The following CHST9 variants were observed in gnomAD, a reference collection of about 807,000 sequenced individuals.
CHST9 encodes carbohydrate sulfotransferase 9.
Under a neutral mutation model 44.4 loss-of-function variants are expected in CHST9, and 41 were observed. That is an observed-to-expected ratio of 0.92 (90% CI 0.72 to 1.20). The LOEUF (loss-of-function observed/expected upper bound fraction) is 1.20, where lower values mean the gene tolerates loss of function less well. Ranked by LOEUF, CHST9 falls within the 50% of genes most tolerant of loss-of-function variation. The pLI, the probability that CHST9 is intolerant of heterozygous loss-of-function variation, is 0.00. For missense variants in CHST9, 504 were observed against 516.5 expected, an observed-to-expected ratio of 0.98 and a Z score of 0.23; for synonymous variants, 171 against 178.4, an observed-to-expected ratio of 0.96 and a Z score of 0.33.
chr18:27,171,867 T>C (rs1415098935), intron 1 of CHST9, among the ~76,000 whole-genome samples: 1 of 152,198 alleles, frequency 6.6e-6, no homozygotes, highest in African/African-American at 2.4e-5. Context: ...TCTTCTGTAA[T>C]TGCAATGTTT....
intron 4 of CHST9, among the ~76,000 whole-genome samples, chr18:26,970,807 G>A (rs1170362280): frequency 6.6e-6 from 1 of 152,174 alleles, no homozygotes; most frequent in Admixed American, 6.5e-5. Flanking sequence ...ATCTAAAGTC[G>A]TGGAGCCAGC....
chr18:26,916,064 T>A lies in CHST9; in HGVS notation c.*195A>T. The A allele has an allele frequency of 2.2e-6, 1 of 463,650 alleles. No individual in the cohort carries two copies. The highest frequency in any genetic ancestry group is 3.9e-6 in the Non-Finnish European group (1 of 258,918). 28.7% of individuals were successfully genotyped at this position (463,650 alleles called of 1,614,324 possible). ...CCAAACATTTTAGAGCAACTCAAGT[T>A]GTTTACATCTCCTGTAGGTGATTTT... On this transcript the variant is annotated 3_prime_UTR_variant, in exon 6 of 6. Coordinates refer to ENST00000618847, the MANE Select transcript of CHST9 (RefSeq NM_031422.6).
rs959763608 is a variant in CHST9 at position 27,185,119 on chromosome 18, AGCCCCAGC to A, written c.-97+9_-97+16del. ...TCCAGTGCCCCCCAGCCCCAACCCC[AGCCCCAGC>A]GCGGTTACCTCGCGGGCCGCTGCCG... On this transcript the variant is annotated intron_variant, in intron 1 of 5. Coordinates refer to ENST00000618847, the MANE Select transcript of CHST9 (RefSeq NM_031422.6). 8.2e-5 allele frequency: 11 copies of A among 134,616 alleles called. No individual in the cohort carries two copies. Among genetic ancestry groups the A allele is most frequent in the African/African-American group, 3.1e-4 (11 of 35,798 alleles). The allele number at this position is 134,616 out of a possible 1,614,324, so 8.3% of individuals were successfully genotyped here.
chr18:27,020,993 G>C (rs1321021369), intron 4 of CHST9, among the ~76,000 whole-genome samples: 1 of 152,188 alleles, frequency 6.6e-6, no homozygotes, highest in Non-Finnish European at 1.5e-5. Flanking sequence ...GGTGCTAAAG[G>C]TGTGAGGGGC....
intron 4 of CHST9, among the ~76,000 whole-genome samples, chr18:26,951,450 T>C (rs572121580): frequency 6.6e-6 from 1 of 152,316 alleles, no homozygotes; most frequent in East Asian, 1.9e-4. Flanking sequence ...GATTCTGCAT[T>C]TCAGAAAAAT....
intron 1 of CHST9, among the ~76,000 whole-genome samples, chr18:27,179,094 C>A (rs56364328): frequency 7.1e-6 from 1 of 140,774 alleles, no homozygotes; most frequent in African/African-American, 2.8e-5. Flanking sequence ...CTCTCTCTCT[C>A]TCTCTCTCTC....
rs899392028 is a variant in CHST9 at position 26,915,264 on chromosome 18, A to G, written c.*995T>C. The G allele has an allele frequency of 2.6e-5, 8 of 313,654 alleles. No individual in the cohort carries two copies. Among genetic ancestry groups the G allele is most frequent in the African/African-American group, 1.7e-4 (8 of 47,000 alleles). 19.4% of individuals were successfully genotyped at this position (313,654 alleles called of 1,614,324 possible). A position where few individuals can be genotyped will look rare whatever the true frequency, so the allele number is the denominator to read the frequency against. On this transcript the variant is annotated 3_prime_UTR_variant, in exon 6 of 6. Transcript: ENST00000618847. Reference sequence around the variant, plus strand: ...GTGGTATATTAGTTTTTAAAAAGTCATTCCTAAGCTGAATAATTAAACTGA... The same window carrying G: ...GTGGTATATTAGTTTTTAAAAAGTCGTTCCTAAGCTGAATAATTAAACTGA...
At chr18:26,968,317 G>A (rs1418512959) in intron 4 of CHST9, among the ~76,000 whole-genome samples, 1 of 152,076 alleles carries the variant, frequency 6.6e-6, no homozygotes, top group Non-Finnish European at 1.5e-5. Context: ...ATTTATGAGA[G>A]TTTGTTATTT....
intron 4 of CHST9, among the ~76,000 whole-genome samples, chr18:26,977,117 T>C (rs577071933): frequency 1.2e-4 from 18 of 152,244 alleles, no homozygotes; most frequent in Admixed American, 4.6e-4. Flanking sequence ...CTCTTTTCTA[T>C]GGTCTTAGAT....
rs370815871 is a variant in CHST9, at chr18:27,153,546, C to CTGTGTG, written c.-96-10647_-96-10642dup. Among the ~76,000 whole-genome samples the CTGTGTG allele has an allele frequency of 8.7e-3, 1,209 of 138,534 alleles. 7 individuals are homozygous for CTGTGTG. Among genetic ancestry groups the CTGTGTG allele is most frequent in the South Asian group, 0.02 (83 of 4,162 alleles). The allele number at this position is 138,534 out of a possible 152,430, so 90.9% of individuals were successfully genotyped here. ...TGTCTTTCTCTCTCTCTCTCTCTCT[C>CTGTGTG]TGTGTGTGTGTGTGTGTGTGTATGT... On this transcript the variant is annotated intron_variant, in intron 1 of 5. Coordinates refer to ENST00000618847, the MANE Select transcript of CHST9 (RefSeq NM_031422.6).
chr18:27,054,891 A>G (rs1323668424), intron 2 of CHST9, among the ~76,000 whole-genome samples: 3 of 152,128 alleles, frequency 2.0e-5, no homozygotes, highest in African/African-American at 2.4e-5. Flanking sequence ...GTATATATAT[A>G]TGTACACACA....
At chr18:27,113,688 A>C (rs2058294926) in intron 2 of CHST9, among the ~76,000 whole-genome samples, 1 of 152,130 alleles carries the variant, frequency 6.6e-6, no homozygotes, top group African/African-American at 2.4e-5. Flanking sequence ...CAGACACTGA[A>C]TCTATTGGCA....
chr18:26,990,073 G>A (rs895888851), intron 4 of CHST9, among the ~76,000 whole-genome samples: 2 of 152,124 alleles, frequency 1.3e-5, no homozygotes, highest in African/African-American at 4.8e-5. Flanking sequence ...CAAAAAAAGA[G>A]TGAACTATTG....
chr18:27,148,630 G>A (rs1187811083), intron 1 of CHST9, among the ~76,000 whole-genome samples: 2 of 150,738 alleles, frequency 1.3e-5, no homozygotes, highest in Non-Finnish European at 3.0e-5. Context: ...GTGTATATGT[G>A]CCACATTTTC....
At chr18:26,936,375 A>C (rs1168580817) in intron 5 of CHST9, 3 of 152,336 alleles carry the variant, frequency 2.0e-5, no homozygotes, top group Non-Finnish European at 2.9e-5. Flanking sequence ...TAGCCAAAAA[A>C]AAAACAAAAC....
chr18:27,036,349 CTTGTCT>C (rs2057390485), intron 3 of CHST9, among the ~76,000 whole-genome samples: 1 of 152,174 alleles, frequency 6.6e-6, no homozygotes, highest in African/African-American at 2.4e-5. Context: ...ATATCTCTTG[CTTGTCT>C]AAACTGTCTG....
At chr18:27,045,887 C>T (rs1228322446) in intron 3 of CHST9, among the ~76,000 whole-genome samples, 2 of 152,160 alleles carry the variant, frequency 1.3e-5, no homozygotes, top group East Asian at 3.9e-4. Context: ...ATTCCATAGT[C>T]CTGGCACCAT....
chr18:27,056,045 A>T (rs965954472), intron 2 of CHST9, among the ~76,000 whole-genome samples: 7 of 152,166 alleles, frequency 4.6e-5, no homozygotes, highest in African/African-American at 1.2e-4. Context: ...TAAATTATTT[A>T]AAAAAATTTT....
intron 1 of CHST9, among the ~76,000 whole-genome samples, chr18:27,156,781 G>A (rs2058701280): frequency 6.6e-6 from 1 of 152,040 alleles, no homozygotes; most frequent in Non-Finnish European, 1.5e-5. Context: ...AGCTGGTTTT[G>A]AAATATAAAT....
Sources: gnomAD v4.1 joint callset for allele counts (sites outside exome capture counted in the v4.1 genomes callset) on GRCh38, gnomAD v4.1.1 for gene constraint, MANE v1.5 for transcripts, NCBI Gene and HGNC (gene_info 2026-07-23, HGNC 2026-07-21) for gene names.